Variants in ABR observed in about 807,000 individuals in gnomAD.
ABR encodes the protein active breakpoint cluster region-related protein.
Under a neutral mutation model 107.2 loss-of-function variants are expected in ABR, and 35 were observed. The ratio of observed to expected loss-of-function variants is 0.33; its 90% CI spans 0.25 to 0.43. The LOEUF (loss-of-function observed/expected upper bound fraction) is 0.43, where lower values mean the gene tolerates loss of function less well. Among genes scored for constraint, ABR ranks in the 20% least tolerant of loss-of-function variants. The probability of loss-of-function intolerance (pLI) is 1.00; values close to 1 mark genes in which losing one functional copy is unlikely to be tolerated. For synonymous variants in ABR, 498 were observed against 462.0 expected (o/e 1.08, Z -1.00); for missense variants, 815 against 1,115.2 (o/e 0.73, Z 3.83).
chr17:1,058,136 C>CATTTT, intron 11 of ABR, 91 bp from the exon 12 acceptor site: 2 of 318,116 alleles, frequency 6.3e-6, no homozygotes, highest in Non-Finnish European at 1.1e-5. Flanking sequence ...CTCCTTTTAT[C>CATTTT]TTTTTTTTTT....
At chr17:1,226,547 C>T (rs534474486) in intron 1 of ABR, among the ~76,000 whole-genome samples, 6 of 149,178 alleles carry the variant, frequency 4.0e-5, no homozygotes, top group South Asian at 2.2e-4. Flanking sequence ...CATGTACATA[C>T]GTGTGCAGGT....
intron 16 of ABR, 188 bp downstream of exon 16, chr17:1,049,862 C>T (rs1202696899): frequency 1.3e-5 from 10 of 743,254 alleles, no homozygotes; most frequent in Middle Eastern, 3.9e-4. Context: ...CACGCACACG[C>T]CTGGGCTTCC....
Position 1,210,852 on chromosome 17 carries a change from G to A in ABR, c.838+17941C>T, listed in dbSNP as rs1464836928. ...GCATCCTTTTAACATCAACCTGTAG[G>A]GCCAGATGGACGGAAAGGGCCCTAT... is the stretch of plus-strand genomic sequence containing the variant. On this transcript the variant is annotated intron_variant, in intron 1 of 22. Transcript: ENST00000574139. The surrounding 1 kb of genome is among the most constrained non-coding windows in gnomAD (Gnocchi z 5.6). 6.6e-6 allele frequency among the ~76,000 whole-genome samples: 1 copy of A among 152,102 alleles called. No homozygotes were observed. The highest frequency in any genetic ancestry group is 1.5e-5 in the Non-Finnish European group (1 of 68,036).
intron 1 of ABR, among the ~76,000 whole-genome samples, chr17:1,215,966 C>T (rs1598142098): frequency 7.4e-6 from 1 of 135,466 alleles, no homozygotes; most frequent in African/African-American, 2.7e-5. Flanking sequence ...TAAACAGATG[C>T]TTGAAGGCAG....
intron 2 of ABR, among the ~76,000 whole-genome samples, chr17:1,122,679 AT>A (rs558743532): frequency 3.7e-4 from 57 of 152,310 alleles, no homozygotes; most frequent in African/African-American, 1.0e-3. Flanking sequence ...GTCTCCAGCT[AT>A]TGACTGCAGA....
At chr17:1,221,718 G>A (rs143030362) in intron 1 of ABR, among the ~76,000 whole-genome samples, 145 of 152,248 alleles carry the variant, frequency 9.5e-4, no homozygotes, top group African/African-American at 2.1e-3. Flanking sequence ...AAAAGACGCC[G>A]GATGGAATGA....
At position 1,050,146 on chromosome 17, in the gene ABR, C is replaced by G; in HGVS notation, c.1695G>C (p.Leu565=). 1 of 1,614,020 alleles carries G rather than the reference C, an allele frequency of 6.2e-7. No homozygotes were observed. Among genetic ancestry groups the G allele is most frequent in the East Asian group, 2.2e-5 (1 of 44,886 alleles). ...FEIELEGSQS[L]RILCYEKCYD... is the part of the protein sequence containing the mutation. The stretch of plus-strand genomic sequence containing the variant: ...AGCACTTCTCATAGCACAGGATCCT[C>G]AGGGACTGGGAGCCCTCCAGCTCGA... Residue 565 remains leucine, a synonymous_variant, in exon 16 of 23, where the codon CTG becomes CTC. Transcript: ENST00000302538. This position sits in a 1 kb window ranked among gnomAD's most constrained non-coding sequence, Gnocchi z 4.6.
At chr17:1,079,619 T>A (rs2036050218) in intron 5 of ABR, among the ~76,000 whole-genome samples, 1 of 151,446 alleles carries the variant, frequency 6.6e-6, no homozygotes, top group Admixed American at 6.6e-5. Context: ...TGAAACCCCA[T>A]CTCTACTAAA....
At position 1,084,994 on chromosome 17, in the gene ABR, G is replaced by A. The variant is rs1206990485; in HGVS notation, c.532-1367C>T. 1.3e-5 allele frequency among the ~76,000 whole-genome samples: 2 copies of A among 151,410 alleles called. No individual in the cohort carries two copies. The highest frequency in any genetic ancestry group is 2.1e-4 in the South Asian group (1 of 4,784). On this transcript the variant is annotated intron_variant, in intron 4 of 22. Coordinates refer to ENST00000302538, the MANE Select transcript of ABR (RefSeq NM_021962.5). The surrounding 1 kb of genome is among the most constrained non-coding windows in gnomAD (Gnocchi z 4.2). ...ATCTTGTATTTTTAGTAGAGACGGCGTTTCTCCATATTGGTCAGGCTGGTC... is the reference window on the plus strand; with the variant it reads ...ATCTTGTATTTTTAGTAGAGACGGCATTTCTCCATATTGGTCAGGCTGGTC...
chr17:1,073,691 C>T lies in ABR; in HGVS notation c.701-14G>A, dbSNP rs553559420. ...TGTAGAGCAGAGCTGTCGGGGGAGACAGGGAGAAGGAGGAAGAGGATGATG... is the reference window on the plus strand; with the variant it reads ...TGTAGAGCAGAGCTGTCGGGGGAGATAGGGAGAAGGAGGAAGAGGATGATG... On this transcript the variant is annotated splice_polypyrimidine_tract_variant and intron_variant, in intron 6 of 22. Transcript: ENST00000302538. 3.8e-6 allele frequency: 6 copies of T among 1,599,294 alleles called. No individual in the cohort carries two copies. In the Admixed American group the frequency reaches 6.8e-5, roughly 18 times the overall value.
rs1296203288 is a variant in ABR, at chr17:1,072,694, G to A, written c.814C>T (p.Arg272Cys). The change falls in exon 8 of 23, where the codon CGC (arginine) becomes TGC (cysteine). Residue 272 changes from arginine (R) to cysteine (C), a missense_variant. Physicochemically the swap from Arg to Cys is radical, Grantham distance 180 (BLOSUM62 -3). This residue lies in a region of ABR where 385 missense variants were observed against 596.9 expected (regional missense o/e 0.64). Coordinates refer to ENST00000302538, the MANE Select transcript of ABR (RefSeq NM_021962.5). ...CTGGACAGGAAGTTCTGGGAGATGC[G>A]GAGGGCATCCTGCAGCAGCGGGTAG... ...PDYPLLQDAL[R>C]ISQNFLSSIN... 1.2e-6 allele frequency: 2 copies of A among 1,613,724 alleles called. No individual in the cohort carries two copies. The highest frequency in any genetic ancestry group is 1.7e-6 in the Non-Finnish European group (2 of 1,179,856).
chr17:1,041,393 T>C (rs2030453887), intron 16 of ABR, among the ~76,000 whole-genome samples: 1 of 152,200 alleles, frequency 6.6e-6, no homozygotes, highest in South Asian at 2.1e-4. Flanking sequence ...TGAGATCCTT[T>C]AAGCCAGTGC....
intron 1 of ABR, among the ~76,000 whole-genome samples, chr17:1,215,291 C>A (rs1206320122): frequency 6.6e-6 from 1 of 151,812 alleles, no homozygotes; most frequent in Non-Finnish European, 1.5e-5. Flanking sequence ...GATGCCGAGC[C>A]GAAGCTGGAC....
At chr17:1,060,029 C>T (rs2033743304) in intron 10 of ABR, among the ~76,000 whole-genome samples, 1 of 152,232 alleles carries the variant, frequency 6.6e-6, no homozygotes, top group Non-Finnish European at 1.5e-5. Flanking sequence ...GTTGACTTGC[C>T]TGCTAAGAGC....
chr17:1,100,454 C>G (rs1335969897), intron 3 of ABR, among the ~76,000 whole-genome samples, 183 bp downstream of exon 3: 1 of 152,246 alleles, frequency 6.6e-6, no homozygotes, highest in African/African-American at 2.4e-5. Context: ...GGCACAGGCC[C>G]TTTCTGGCAA....
intron 1 of ABR, 140 bp from the exon 2 acceptor site, chr17:1,125,507 T>C (rs2039557479): frequency 2.6e-6 from 2 of 781,052 alleles, no homozygotes; most frequent in Admixed American, 4.1e-5. Flanking sequence ...GCGGGGGCTG[T>C]GCGGGGGCCT....
intron 2 of ABR, among the ~76,000 whole-genome samples, chr17:1,120,726 C>T (rs537968678): frequency 6.6e-6 from 1 of 152,262 alleles, no homozygotes; most frequent in East Asian, 1.9e-4. Flanking sequence ...AGGTTTGAGC[C>T]CTGTGAGGTC....
At chr17:1,091,936 T>C (rs2151298820) in intron 3 of ABR, 86 bp from the exon 4 acceptor site, 1 of 1,375,996 alleles carries the variant, frequency 7.3e-7, no homozygotes, top group East Asian at 2.3e-5. Flanking sequence ...CGTTAGCCCT[T>C]CCCGCTGCCC....
chr17:1,095,195 G>A (rs768127384), intron 3 of ABR, among the ~76,000 whole-genome samples: 8 of 152,276 alleles, frequency 5.3e-5, no homozygotes, highest in South Asian at 2.1e-4. Context: ...CAGAAGCCGC[G>A]ACGCGCTCAT....
Sources: gnomAD v4.1 joint callset for allele counts (sites outside exome capture counted in the v4.1 genomes callset) on GRCh38, gnomAD v4.1.1 for gene constraint, gnomAD v4.1.1 regional missense constraint, Gnocchi (gnomAD v3.1) non-coding constraint, MANE v1.5 for transcripts, NCBI Gene and HGNC (gene_info 2026-07-23, HGNC 2026-07-21) for gene names.